The following SNRPN variants were observed in gnomAD, a reference collection of about 807,000 sequenced individuals.
SNRPN encodes the protein small nuclear ribonucleoprotein-associated protein N.
In SNRPN, 7 loss-of-function variants were observed where a neutral mutation model predicts 25.2. The ratio of observed to expected loss-of-function variants is 0.28; its 90% CI spans 0.16 to 0.52. The LOEUF is 0.52. SNRPN is among the 20% of genes least tolerant of loss of function. SNRPN has a pLI of 0.96. For missense variants in SNRPN, 196 were observed against 322.5 expected, an observed-to-expected ratio of 0.61 and a Z score of 3.00; for synonymous variants, 124 against 110.6, an observed-to-expected ratio of 1.12 and a Z score of -0.76.
At chr15:24,875,687 G>C (rs1196638107) in intron 1 of SNRPN, among the ~76,000 whole-genome samples, 2 of 152,164 alleles carry the variant, frequency 1.3e-5, no homozygotes, top group African/African-American at 4.8e-5. Context: ...AAGTGGCTGT[G>C]GTGTGAGGAC....
intron 2 of SNRPN, chr15:24,912,490 C>T (rs1368399056): frequency 1.3e-5 from 2 of 152,248 alleles, no homozygotes; most frequent in Non-Finnish European, 2.9e-5. Context: ...TGAGTTAAGA[C>T]ATTTTGGAGT....
chr15:24,867,358 G>A (rs1198996565), intron 1 of SNRPN, among the ~76,000 whole-genome samples: 2 of 149,762 alleles, frequency 1.3e-5, no homozygotes, highest in Non-Finnish European at 2.9e-5. Context: ...CCCTGTATCT[G>A]TCTTTATATT....
intron 3 of SNRPN, among the ~76,000 whole-genome samples, chr15:24,933,553 G>A (rs1351135548): frequency 2.6e-5 from 4 of 152,122 alleles, no homozygotes; most frequent in East Asian, 1.9e-4. Flanking sequence ...TGAGGTGGGC[G>A]GATCACCTGA....
At chr15:24,969,249 C>T (rs575940623) in intron 3 of SNRPN, among the ~76,000 whole-genome samples, 1 of 152,244 alleles carries the variant, frequency 6.6e-6, no homozygotes, top group South Asian at 2.1e-4. Context: ...CTGCCTCAGC[C>T]TCCCAAGTAT....
At chr15:24,976,129 C>T (rs1484719899) in intron 5 of SNRPN, among the ~76,000 whole-genome samples, 176 bp from the exon 6 acceptor site, 1 of 152,210 alleles carries the variant, frequency 6.6e-6, no homozygotes, top group Admixed American at 6.5e-5. Context: ...AATAGCTTCA[C>T]TATTTACCCT....
At chr15:24,864,605 A>G (rs983405643) in intron 1 of SNRPN, among the ~76,000 whole-genome samples, 1 of 151,436 alleles carries the variant, frequency 6.6e-6, no homozygotes, top group African/African-American at 2.4e-5. Flanking sequence ...CAGCCTCCCA[A>G]AGTTCTGGGA....
intron 2 of SNRPN, among the ~76,000 whole-genome samples, chr15:24,907,248 A>G (rs1335628236): frequency 2.0e-5 from 3 of 152,178 alleles, no homozygotes; most frequent in Non-Finnish European, 4.4e-5. Context: ...CTTCCAGGCC[A>G]AGTATCCAGG....
intron 2 of SNRPN, among the ~76,000 whole-genome samples, chr15:24,830,262 T>A (rs1483321096): frequency 6.6e-6 from 1 of 152,064 alleles, no homozygotes; most frequent in East Asian, 1.9e-4. Context: ...CTTTGGTTGA[T>A]CATTTCTGAA....
At chr15:24,919,855 G>A (rs527787000) in intron 2 of SNRPN, among the ~76,000 whole-genome samples, 1 of 152,286 alleles carries the variant, frequency 6.6e-6, no homozygotes, top group South Asian at 2.1e-4. Context: ...CTTTGTCAGT[G>A]TACAGAACGC....
Position 24,911,096 on chromosome 15 carries a change from G to A in SNRPN, c.-504-8915G>A, listed in dbSNP as rs994033556. On this transcript the variant is annotated intron_variant, in intron 2 of 11. Transcript: ENST00000400097. Reference sequence around the variant, plus strand: ...GTTTCCTCTTCTCCTCTTCTGGAGAGGGATGAAGGAGATCCTTTGCAAGAA... The same window carrying A: ...GTTTCCTCTTCTCCTCTTCTGGAGAAGGATGAAGGAGATCCTTTGCAAGAA... The A allele has an allele frequency of 3.5e-6, 5 of 1,413,292 alleles. No individual in the cohort carries two copies. The African/African-American group carries it at 4.3e-5, about 12-fold the overall frequency. The allele number at this position is 1,413,292 out of a possible 1,614,324, so 87.5% of individuals were successfully genotyped here.
In SNRPN at chr15:24,974,320, A is replaced by G. The variant is rs1224914028; in HGVS notation, c.-134A>G. The G allele has an allele frequency of 1.4e-5, 11 of 798,682 alleles. No individual in the cohort carries two copies. In the East Asian group the frequency reaches 2.0e-4, roughly 14 times the overall value. The allele number at this position is 798,682 out of a possible 1,614,324, so 49.5% of individuals were successfully genotyped here. On this transcript the variant is annotated 5_prime_UTR_variant, in exon 4 of 10. Transcript: ENST00000390687. The stretch of plus-strand genomic sequence containing the variant: ...ATGCTTTCCTCTGCAGGCTCCATCT[A>G]CTCTTTGAAGCTTCTGCCCAGCTTG...
rs1377354316 is a variant in SNRPN at position 24,929,021 on chromosome 15, C to A, written c.-391+8897C>A. 6.6e-6 allele frequency among the ~76,000 whole-genome samples: 1 copy of A among 152,116 alleles called. No homozygotes were observed. Among genetic ancestry groups the A allele is most frequent in the East Asian group, 1.9e-4 (1 of 5,184 alleles). ...ATCAGCTGTGTTTTTTCCAAGGAAT[C>A]CTGATTTCTATTGTGGAGAAGCGTA... On this transcript the variant is annotated intron_variant, in intron 3 of 11. Transcript: ENST00000400097. The surrounding 1 kb of genome is among the most constrained non-coding windows in gnomAD (Gnocchi z 5.3).
chr15:24,876,608 C>A (rs1410263324), intron 1 of SNRPN, among the ~76,000 whole-genome samples: 2 of 139,318 alleles, frequency 1.4e-5, no homozygotes, highest in African/African-American at 5.5e-5. Flanking sequence ...CAGAGCGAGA[C>A]TCCATCTCAA....
chr15:24,880,829 T>C (rs2149536965), intron 1 of SNRPN, among the ~76,000 whole-genome samples: 1 of 152,164 alleles, frequency 6.6e-6, no homozygotes, highest in South Asian at 2.1e-4. Flanking sequence ...CTGCAACCTC[T>C]GTCATCAGCG....
intron 2 of SNRPN, among the ~76,000 whole-genome samples, chr15:24,895,887 G>A (rs1051867010): frequency 5.9e-5 from 9 of 152,142 alleles, no homozygotes; most frequent in African/African-American, 2.2e-4. Flanking sequence ...TAGTCACAGC[G>A]ATGCAAATGG....
At position 24,923,923 on chromosome 15, in the gene SNRPN, A is replaced by ATTTTTTTTTTTTTTTTTTTTTT. The variant is rs34575205; in HGVS notation, c.-391+3803_-391+3824dup. Among the ~76,000 whole-genome samples, 2 of 89,908 alleles carry ATTTTTTTTTTTTTTTTTTTTTT rather than the reference A, an allele frequency of 2.2e-5. 1 individual carries two copies. The highest frequency in any genetic ancestry group is 9.3e-5 in the African/African-American group (2 of 21,462). 59.0% of individuals were successfully genotyped at this position (89,908 alleles called of 152,430 possible). A position where few individuals can be genotyped will look rare whatever the true frequency, so the allele number is the denominator to read the frequency against. ...TGTGTGTGTGTGTGTGTATATAAAC[A>ATTTTTTTTTTTTTTTTTTTTTT]TTTTTTTTTTTTTTTTTTTTTTTTT... On this transcript the variant is annotated intron_variant, in intron 3 of 11. Transcript: ENST00000400097.
At position 24,955,052 on chromosome 15, in the gene SNRPN, G is replaced by C; in HGVS notation, c.-401G>C. ...CTGAGGAGCGGTCAGTGACGCGATG[G>C]AGCGGGCAAGGTCAGCTGTGCCGGT... On this transcript the variant is annotated 5_prime_UTR_variant, in exon 1 of 10. Transcript: ENST00000390687. The C allele has an allele frequency of 6.2e-7, 1 of 1,613,404 alleles. No homozygotes were observed. The highest frequency in any genetic ancestry group is 8.5e-7 in the Non-Finnish European group (1 of 1,180,014).
intron 2 of SNRPN, chr15:24,910,751 C>T (rs112138247): frequency 0.082 from 21,584 of 264,330 alleles, 1,076 homozygotes; most frequent in African/African-American, 0.15. Flanking sequence ...CCTCAGCCTC[C>T]CAAAGTGCTG....
intron 1 of SNRPN, among the ~76,000 whole-genome samples, chr15:24,868,264 C>T (rs191199206): frequency 6.6e-6 from 1 of 152,170 alleles, no homozygotes; most frequent in Non-Finnish European, 1.5e-5. Flanking sequence ...TACTTGTGAA[C>T]TGATAGAGTG....
Sources: gnomAD v4.1 joint callset for allele counts (sites outside exome capture counted in the v4.1 genomes callset) on GRCh38, gnomAD v4.1.1 for gene constraint, Gnocchi (gnomAD v3.1) non-coding constraint, MANE v1.5 for transcripts, NCBI Gene and HGNC (gene_info 2026-07-23, HGNC 2026-07-21) for gene names.